FNDC3B: variants seen among roughly 807,000 people sequenced by gnomAD.
FNDC3B encodes the protein fibronectin type III domain-containing protein 3B.
Under a neutral mutation model 151.5 loss-of-function variants are expected in FNDC3B, and 12 were observed. The ratio of observed to expected loss-of-function variants is 0.08; its 90% CI spans 0.05 to 0.13. The LOEUF (loss-of-function observed/expected upper bound fraction) is 0.13. Ranked by LOEUF, FNDC3B falls within the 10% of genes least tolerant of loss-of-function variation. FNDC3B has a pLI of 1.00. For missense variants in FNDC3B, 1,214 were observed against 1,505.3 expected, an observed-to-expected ratio of 0.81 and a Z score of 3.20; for synonymous variants, 528 against 549.0, an observed-to-expected ratio of 0.96 and a Z score of 0.54.
intron 1 of FNDC3B, among the ~76,000 whole-genome samples, chr3:172,088,317 T>C (rs554474476): frequency 6.6e-6 from 1 of 152,322 alleles, no homozygotes; most frequent in African/African-American, 2.4e-5. Flanking sequence ...CCTTTTTATG[T>C]TGCAAATAAA....
At chr3:172,305,886 A>G (rs1731169760) in intron 9 of FNDC3B, among the ~76,000 whole-genome samples, 2 of 152,188 alleles carry the variant, frequency 1.3e-5, no homozygotes, top group African/African-American at 4.8e-5. Context: ...ATTTAGTTTT[A>G]TATTATCACG....
At chr3:172,270,447 AAC>A (rs1729143275) in intron 6 of FNDC3B, among the ~76,000 whole-genome samples, 1 of 152,164 alleles carries the variant, frequency 6.6e-6, no homozygotes, top group African/African-American at 2.4e-5. Context: ...CCAATTCTCT[AAC>A]ATGTGGGGCC....
intron 3 of FNDC3B, among the ~76,000 whole-genome samples, chr3:172,226,526 T>C (rs912452967): frequency 6.6e-6 from 1 of 152,198 alleles, no homozygotes; most frequent in African/African-American, 2.4e-5. Context: ...TATGCATTCT[T>C]TTAAAGGCCA....
chr3:172,298,024 C>G (rs1730728501), intron 8 of FNDC3B, among the ~76,000 whole-genome samples: 1 of 152,172 alleles, frequency 6.6e-6, no homozygotes, highest in African/African-American at 2.4e-5. Context: ...CATACAGTAC[C>G]TTTAGTTGTC....
chr3:172,219,002 A>G (rs753295683), intron 3 of FNDC3B, among the ~76,000 whole-genome samples: 1 of 152,214 alleles, frequency 6.6e-6, no homozygotes, highest in African/African-American at 2.4e-5. Context: ...AATTAGAAAA[A>G]CAAGAAGAAC....
intron 3 of FNDC3B, among the ~76,000 whole-genome samples, chr3:172,175,288 T>C (rs943029603): frequency 2.0e-5 from 3 of 151,994 alleles, no homozygotes; most frequent in Admixed American, 6.6e-5. Context: ...AAGTGGAGAG[T>C]AAGTAGAGAA....
chr3:172,367,056 C>T (rs1734662042), intron 23 of FNDC3B, among the ~76,000 whole-genome samples: 1 of 152,192 alleles, frequency 6.6e-6, no homozygotes, highest in African/African-American at 2.4e-5. Context: ...ACCTAGAATT[C>T]ATCTAGATCA....
chr3:172,194,389 T>TC, intron 3 of FNDC3B, among the ~76,000 whole-genome samples: 1 of 152,344 alleles, frequency 6.6e-6, no homozygotes, highest in Non-Finnish European at 1.5e-5. Flanking sequence ...TGGATGACCT[T>TC]ACCTGTCAAG....
At chr3:172,146,459 G>C (rs1225090748) in intron 3 of FNDC3B, among the ~76,000 whole-genome samples, 1 of 152,150 alleles carries the variant, frequency 6.6e-6, no homozygotes, top group African/African-American at 2.4e-5. Context: ...TCTGAGCCCA[G>C]GGGAATTGTC....
chr3:172,335,078 A>G lies in FNDC3B; in HGVS notation c.1776A>G (p.Lys592=), dbSNP rs1732890656. 5.6e-6 allele frequency: 9 copies of G among 1,593,144 alleles called. No homozygotes were observed. The highest frequency in any genetic ancestry group is 1.1e-5 in the South Asian group (1 of 87,242). ...TTACATCTCATGGCTTTAGTGTCAA[A>G]TGGGGTATGTTTTGCTGCTGCTGCT... ...GPVTSHGFSV[K]WDPPKDNGGS... is the part of the protein sequence containing the mutation. The change falls in exon 15 of 26, where the codon AAA becomes AAG. Residue 592 remains lysine (K), a synonymous_variant. Coordinates refer to ENST00000415807, the MANE Select transcript of FNDC3B (RefSeq NM_022763.4).
intron 1 of FNDC3B, among the ~76,000 whole-genome samples, chr3:172,105,220 A>T (rs1438185418): frequency 1.3e-5 from 2 of 152,158 alleles, no homozygotes; most frequent in Non-Finnish European, 2.9e-5. Flanking sequence ...GGGGAGGTTC[A>T]TGAATGCAGT....
intron 3 of FNDC3B, among the ~76,000 whole-genome samples, chr3:172,182,425 T>C (rs1421935200): frequency 1.3e-5 from 2 of 152,202 alleles, no homozygotes; most frequent in Non-Finnish European, 2.9e-5. Flanking sequence ...GCTGGGAGTT[T>C]CCTGGGGTCT....
chr3:172,052,604 TG>T (rs1716718571), intron 1 of FNDC3B, among the ~76,000 whole-genome samples: 3 of 152,154 alleles, frequency 2.0e-5, no homozygotes, highest in Admixed American at 1.3e-4. Context: ...AGTTAAAGAC[TG>T]TTAAGAGAAG....
intron 3 of FNDC3B, among the ~76,000 whole-genome samples, chr3:172,165,148 G>A (rs939842521): frequency 2.0e-5 from 3 of 152,142 alleles, no homozygotes; most frequent in Admixed American, 1.3e-4. Context: ...GGAGTAGCTG[G>A]GACTACAGGC....
intron 7 of FNDC3B, among the ~76,000 whole-genome samples, chr3:172,290,291 C>T (rs1175454962): frequency 6.6e-6 from 1 of 152,188 alleles, no homozygotes; most frequent in Non-Finnish European, 1.5e-5. Context: ...GACCCAGCTA[C>T]TGCAAAGGTC....
At chr3:172,095,969 G>A (rs1719070727) in intron 1 of FNDC3B, among the ~76,000 whole-genome samples, 1 of 152,140 alleles carries the variant, frequency 6.6e-6, no homozygotes, top group African/African-American at 2.4e-5. Flanking sequence ...GCATTGTATG[G>A]ATAAAATACC....
intron 3 of FNDC3B, among the ~76,000 whole-genome samples, chr3:172,226,305 C>CAA (rs199864393): frequency 0.12 from 14,591 of 119,420 alleles, 1,037 homozygotes; most frequent in East Asian, 0.34. Flanking sequence ...AACTCTGTCT[C>CAA]AAAAAAAAAA....
chr3:172,335,471 T>C (rs550600654), intron 15 of FNDC3B: 2 of 153,824 alleles, frequency 1.3e-5, no homozygotes, highest in East Asian at 1.9e-4. Context: ...CAATACTTAA[T>C]AGAAAAATTT....
intron 1 of FNDC3B, among the ~76,000 whole-genome samples, chr3:172,099,774 TG>T (rs1719288403): frequency 6.6e-6 from 1 of 152,222 alleles, no homozygotes; most frequent in Non-Finnish European, 1.5e-5. Flanking sequence ...CCTCTTAATT[TG>T]GATTAATTTG....
Sources: gnomAD v4.1 joint callset for allele counts (sites outside exome capture counted in the v4.1 genomes callset) on GRCh38, gnomAD v4.1.1 for gene constraint, MANE v1.5 for transcripts, NCBI Gene and HGNC (gene_info 2026-07-23, HGNC 2026-07-21) for gene names.